Variants in C2CD3 observed in about 807,000 individuals in gnomAD.
The protein encoded by C2CD3 is C2 domain-containing protein 3.
C2CD3 carries 148 observed loss-of-function variants against 234.0 expected under a neutral mutation model. The observed-to-expected ratio is 0.63, with a 90% confidence interval of 0.55 to 0.72. C2CD3 has a LOEUF of 0.72. Ranked by LOEUF, C2CD3 falls within the 30% of genes least tolerant of loss-of-function variation. The pLI is 0.00. For synonymous variants in C2CD3, 1,000 were observed against 1,035.4 expected (o/e 0.97, Z 0.66); for missense variants, 2,577 against 2,811.5 (o/e 0.92, Z 1.89).
intron 32 of C2CD3, among the ~76,000 whole-genome samples, chr11:74,026,645 G>A (rs1471612303): frequency 1.3e-5 from 2 of 152,192 alleles, no homozygotes; most frequent in Non-Finnish European, 2.9e-5. Context: ...TTCAGGTGGT[G>A]TAATAGAAGA....
At chr11:74,033,328 T>G in intron 31 of C2CD3, 23 bp downstream of exon 31, 1 of 1,531,362 alleles carries the variant, frequency 6.5e-7, no homozygotes, top group Non-Finnish European at 8.7e-7. Context: ...TCCAAACCAC[T>G]TGTGGGAAAT....
At chr11:74,062,101 C>T (rs1285654132) in intron 24 of C2CD3, among the ~76,000 whole-genome samples, 4 of 152,172 alleles carry the variant, frequency 2.6e-5, no homozygotes, top group Admixed American at 6.5e-5. Flanking sequence ...GCACCCAATA[C>T]AGGAGCACTC....
chr11:74,105,951 T>C (rs188629251), intron 13 of C2CD3, among the ~76,000 whole-genome samples: 46 of 152,360 alleles, frequency 3.0e-4, no homozygotes, highest in Non-Finnish European at 1.0e-4. Flanking sequence ...TCTGATGATA[T>C]GGCTTCTACC....
At chr11:74,135,315 TAGAGTGC>T (rs943435265) in intron 5 of C2CD3, among the ~76,000 whole-genome samples, 9 of 151,824 alleles carry the variant, frequency 5.9e-5, no homozygotes, top group Non-Finnish European at 1.3e-4. Flanking sequence ...TTACCCAGGC[TAGAGTGC>T]ACTGGCATGA....
At chr11:74,021,492 T>C (rs1263306265) in intron 32 of C2CD3, among the ~76,000 whole-genome samples, 2 of 152,164 alleles carry the variant, frequency 1.3e-5, no homozygotes, top group East Asian at 3.9e-4. Context: ...GTCTTCAGCA[T>C]ATAGAAGAAG....
chr11:74,119,442 C>T (rs1957139492), intron 8 of C2CD3, among the ~76,000 whole-genome samples: 3 of 151,794 alleles, frequency 2.0e-5, no homozygotes, highest in African/African-American at 7.3e-5. Flanking sequence ...TTACTGGGTT[C>T]CATTTTTAAA....
At chr11:74,048,797 C>G (rs1251257749) in intron 27 of C2CD3, among the ~76,000 whole-genome samples, 1 of 152,190 alleles carries the variant, frequency 6.6e-6, no homozygotes, top group East Asian at 1.9e-4. Context: ...CACTCTGTGC[C>G]AGACCCTGGG....
intron 24 of C2CD3, 52 bp downstream of exon 24, chr11:74,074,201 G>A (rs1181794122): frequency 1.6e-6 from 2 of 1,225,812 alleles, no homozygotes; most frequent in African/African-American, 1.5e-5. Context: ...GTGAAGAAAG[G>A]AGCACACCCT....
chr11:74,089,986 G>A (rs904918657), intron 20 of C2CD3, among the ~76,000 whole-genome samples: 2 of 152,176 alleles, frequency 1.3e-5, no homozygotes, highest in African/African-American at 4.8e-5. Context: ...AAGGAGGTAA[G>A]GGAAAGGGCT....
chr11:74,087,442 G>A (rs1411361980), intron 20 of C2CD3, among the ~76,000 whole-genome samples: 1 of 152,008 alleles, frequency 6.6e-6, no homozygotes, highest in Admixed American at 6.6e-5. Context: ...GCGGGCACCT[G>A]TAATCCCAGC....
intron 14 of C2CD3, among the ~76,000 whole-genome samples, chr11:74,101,262 A>G (rs1004017776): frequency 3.3e-5 from 5 of 152,252 alleles, no homozygotes; most frequent in Admixed American, 2.0e-4. Context: ...AAAGAGAATC[A>G]GAGATCTAAG....
At position 74,075,696 on chromosome 11, in the gene C2CD3, C is replaced by T. The variant is rs574855999; in HGVS notation, c.4604-1096G>A. ...ATGAAACCTTTCCTGTTTTAGATAA[C>T]CAGTTTTCTTCTCAAAGCAATGTGT... On this transcript the variant is annotated intron_variant, in intron 23 of 32. Coordinates refer to ENST00000334126, the MANE Select transcript of C2CD3 (RefSeq NM_001286577.2). Among the ~76,000 whole-genome samples, 91 of 152,202 alleles carry T rather than the reference C, an allele frequency of 6.0e-4. 1 individual carries two copies. The highest frequency in any genetic ancestry group is 1.3e-4 in the Non-Finnish European group (9 of 68,010).
chr11:74,026,434 G>A (rs1011444351), intron 32 of C2CD3, among the ~76,000 whole-genome samples: 1 of 152,186 alleles, frequency 6.6e-6, no homozygotes, highest in Non-Finnish European at 1.5e-5. Flanking sequence ...AAACTAGTAA[G>A]AGGATCAGGC....
At chr11:74,156,041 C>T (rs1203519194) in intron 3 of C2CD3, among the ~76,000 whole-genome samples, 4 of 151,740 alleles carry the variant, frequency 2.6e-5, no homozygotes, top group Admixed American at 6.6e-5. Context: ...TTTGGGAGGC[C>T]GAGGTGGGCA....
chr11:74,153,279 T>A (rs761938681), intron 3 of C2CD3, among the ~76,000 whole-genome samples: 1 of 151,988 alleles, frequency 6.6e-6, no homozygotes, highest in African/African-American at 2.4e-5. Flanking sequence ...GACCAAATGC[T>A]TTCCTATGAA....
chr11:74,138,892 A>G lies in C2CD3; in HGVS notation c.783T>C (p.Leu261=). 6.2e-7 allele frequency: 1 copy of G among 1,613,026 alleles called. No homozygotes were observed. Among genetic ancestry groups the G allele is most frequent in the South Asian group, 1.1e-5 (1 of 91,044 alleles). Residue 261 remains leucine, a synonymous_variant, in exon 5 of 33, where the codon CTT becomes CTC. Coordinates refer to ENST00000334126, the MANE Select transcript of C2CD3 (RefSeq NM_001286577.2). ...CAGACTCTAAACTCTGTCCTGAATT[A>G]AGACTGTGCTGTAGTCCAAAGGAAG... ...KDSSFGLQHS[L]NSGQSLESVT... is the part of the protein sequence containing the mutation.
chr11:74,032,284 T>C (rs76116213), intron 31 of C2CD3, among the ~76,000 whole-genome samples: 3,335 of 152,298 alleles, frequency 0.022, 70 homozygotes, highest in African/African-American at 0.047. Context: ...TGACTTCTAG[T>C]AGAGGAAGAT....
At chr11:74,076,098 T>C (rs1466978493) in intron 23 of C2CD3, among the ~76,000 whole-genome samples, 2 of 152,264 alleles carry the variant, frequency 1.3e-5, no homozygotes, top group Non-Finnish European at 2.9e-5. Flanking sequence ...CCTGTCTTTA[T>C]AAACTTTAGT....
At chr11:74,052,482 A>G (rs1953743608) in intron 26 of C2CD3, among the ~76,000 whole-genome samples, 1 of 152,226 alleles carries the variant, frequency 6.6e-6, no homozygotes, top group Non-Finnish European at 1.5e-5. Flanking sequence ...ATTTGAACTC[A>G]GGTCTGCATA....
Sources: allele counts gnomAD v4.1 joint callset (sites outside exome capture counted in the v4.1 genomes callset), GRCh38; gene constraint gnomAD v4.1.1; transcripts MANE v1.5; gene names NCBI Gene and HGNC (gene_info 2026-07-23, HGNC 2026-07-21).